The following UBL3 variants were observed in gnomAD, a reference collection of about 807,000 sequenced individuals.
UBL3 encodes ubiquitin like 3, also known as ubiquitin-like protein 3.
Under a neutral mutation model 18.4 loss-of-function variants are expected in UBL3, and 6 were observed. That is an observed-to-expected ratio of 0.33 (90% CI 0.18 to 0.64). The LOEUF (loss-of-function observed/expected upper bound fraction) is 0.64, where lower values mean the gene tolerates loss of function less well. UBL3 is among the 30% of genes least tolerant of loss of function. The pLI, the probability that UBL3 is intolerant of heterozygous loss-of-function variation, is 0.76. For synonymous variants in UBL3, 49 were observed against 46.6 expected, an observed-to-expected ratio of 1.05 and a Z score of -0.21; for missense variants, 109 against 142.9, an observed-to-expected ratio of 0.76 and a Z score of 1.21.
intron 1 of UBL3, among the ~76,000 whole-genome samples, chr13:29,833,320 G>T (rs1407817474): frequency 2.0e-5 from 3 of 152,180 alleles, no homozygotes; most frequent in African/African-American, 7.2e-5. Context: ...AGAGGAAATT[G>T]ATTTGAAACA....
chr13:29,767,410 A>G, intron 4 of UBL3, 103 bp from the exon 5 acceptor site: 1 of 1,418,560 alleles, frequency 7.0e-7, no homozygotes. Context: ...GAGTTTTTAA[A>G]AATGTTTGCA....
At chr13:29,816,756 A>G in intron 1 of UBL3, among the ~76,000 whole-genome samples, 1 of 113,750 alleles carries the variant, frequency 8.8e-6, no homozygotes, top group South Asian at 2.6e-4. Context: ...CCCTGTCTCA[A>G]AAAAAAAAAA....
At chr13:29,801,494 G>A (rs1053730602) in intron 1 of UBL3, among the ~76,000 whole-genome samples, 2 of 152,070 alleles carry the variant, frequency 1.3e-5, no homozygotes, top group African/African-American at 2.4e-5. Context: ...CTCAACCCCC[G>A]CATTTTTCAG....
chr13:29,784,481 T>C (rs1316273175), intron 1 of UBL3, among the ~76,000 whole-genome samples: 1 of 152,084 alleles, frequency 6.6e-6, no homozygotes. Flanking sequence ...GCCTTTCTAC[T>C]GCTCATTCCT....
At chr13:29,799,451 GACTA>G (rs1877703909) in intron 1 of UBL3, among the ~76,000 whole-genome samples, 2 of 152,138 alleles carry the variant, frequency 1.3e-5, no homozygotes. Context: ...TTGAAAATAA[GACTA>G]ACTGAAGATG....
rs143444292 is a variant in UBL3 at position 29,832,706 on chromosome 13, A to C, written c.27+16806T>G. Among the ~76,000 whole-genome samples the C allele has an allele frequency of 2.2e-4, 34 of 152,280 alleles. No homozygotes were observed. In the East Asian group the frequency reaches 5.8e-3, roughly 26 times the overall value. ...ACTGTTCCTCTGGAGTCTACGCTTT[A>C]CATTGCTGGCAATCCGTGATGGAAG... On this transcript the variant is annotated intron_variant, in intron 1 of 4. Transcript: ENST00000380680.
At chr13:29,835,018 T>C (rs920731061) in intron 1 of UBL3, among the ~76,000 whole-genome samples, 1 of 146,606 alleles carries the variant, frequency 6.8e-6, no homozygotes, top group East Asian at 2.0e-4. Context: ...CAAACATTTA[T>C]GAAAAATCTA....
At position 29,825,666 on chromosome 13, in the gene UBL3, C is replaced by A. The variant is rs1247929953; in HGVS notation, c.27+23846G>T. Reference sequence around the variant, plus strand: ...TCTGCAAACAGGGACAATTTAACTTCTTTTCCTAATTGAATACCCTTTCTT... The same window carrying A: ...TCTGCAAACAGGGACAATTTAACTTATTTTCCTAATTGAATACCCTTTCTT... On this transcript the variant is annotated intron_variant, in intron 1 of 4. Coordinates refer to ENST00000380680, the MANE Select transcript of UBL3 (RefSeq NM_007106.4). Among the ~76,000 whole-genome samples, 5 of 152,180 alleles carry A rather than the reference C, an allele frequency of 3.3e-5. No individual in the cohort carries two copies. In the East Asian group the frequency reaches 5.8e-4, roughly 18 times the overall value.
intron 1 of UBL3, among the ~76,000 whole-genome samples, chr13:29,802,845 A>G (rs1373794621): frequency 6.6e-6 from 1 of 152,226 alleles, no homozygotes; most frequent in Non-Finnish European, 1.5e-5. Context: ...GGCATTCCTG[A>G]AAGGGGAAGA....
intron 1 of UBL3, among the ~76,000 whole-genome samples, chr13:29,785,516 T>C (rs969526279): frequency 6.6e-6 from 1 of 152,192 alleles, no homozygotes; most frequent in South Asian, 2.1e-4. Context: ...AATATGTAAA[T>C]TTTAAAATAA....
chr13:29,775,548 A>G (rs1389448538), intron 2 of UBL3, among the ~76,000 whole-genome samples: 1 of 152,246 alleles, frequency 6.6e-6, no homozygotes, highest in Non-Finnish European at 1.5e-5. Flanking sequence ...ACTATGATAC[A>G]TGACATAAGG....
intron 1 of UBL3, among the ~76,000 whole-genome samples, chr13:29,818,255 T>A (rs1878334304): frequency 6.6e-6 from 1 of 152,132 alleles, no homozygotes; most frequent in Non-Finnish European, 1.5e-5. Context: ...AAATCTAAAT[T>A]TAGACTAACT....
chr13:29,843,211 GTA>G (rs900364365), intron 1 of UBL3, among the ~76,000 whole-genome samples: 1 of 152,042 alleles, frequency 6.6e-6, no homozygotes, highest in African/African-American at 2.4e-5. Context: ...CATACCTATA[GTA>G]TATGTGTTTT....
intron 3 of UBL3, among the ~76,000 whole-genome samples, chr13:29,769,491 G>A (rs777012420): frequency 2.0e-5 from 3 of 151,966 alleles, no homozygotes; most frequent in Middle Eastern, 3.2e-3. Context: ...AACCTTTAGC[G>A]TACATAAAAA....
chr13:29,827,646 G>A (rs1213422614), intron 1 of UBL3, among the ~76,000 whole-genome samples: 1 of 152,194 alleles, frequency 6.6e-6, no homozygotes, highest in Non-Finnish European at 1.5e-5. Context: ...TTGCCAGTCT[G>A]TGTCTTTTAA....
Position 29,766,502 on chromosome 13 carries a change from A to G in UBL3, c.*753T>C, listed in dbSNP as rs1348177247. On this transcript the variant is annotated 3_prime_UTR_variant, in exon 5 of 5. Coordinates refer to ENST00000380680, the MANE Select transcript of UBL3 (RefSeq NM_007106.4). ...GAAACTACCCTCCCACATTAAGGCT[A>G]GGAGACGCACTCTCACCCCTTCTTG... 1 of 152,612 alleles carries G rather than the reference A, an allele frequency of 6.6e-6. No individual in the cohort carries two copies. Among genetic ancestry groups the G allele is most frequent in the Admixed American group, 6.6e-5 (1 of 15,262 alleles). 9.5% of individuals were successfully genotyped at this position (152,612 alleles called of 1,614,324 possible). A position where few individuals can be genotyped will look rare whatever the true frequency, so the allele number is the denominator to read the frequency against.
intron 1 of UBL3, among the ~76,000 whole-genome samples, chr13:29,819,943 G>C (rs1036411654): frequency 6.6e-5 from 10 of 152,196 alleles, no homozygotes; most frequent in Admixed American, 2.6e-4. Context: ...AAGATAAAAT[G>C]TCAACCATTT....
intron 1 of UBL3, among the ~76,000 whole-genome samples, chr13:29,789,873 A>G (rs1285014775): frequency 8.5e-5 from 13 of 152,228 alleles, no homozygotes; most frequent in Admixed American, 8.5e-4. Context: ...TCCCCCTTTT[A>G]TAGCATAACT....
intron 1 of UBL3, among the ~76,000 whole-genome samples, chr13:29,841,838 A>G (rs1879108644): frequency 6.6e-6 from 1 of 152,346 alleles, no homozygotes; most frequent in East Asian, 1.9e-4. Flanking sequence ...AGTAAAAATG[A>G]GCTCGGTTGA....
Sources: gnomAD v4.1 joint callset for allele counts (sites outside exome capture counted in the v4.1 genomes callset) on GRCh38, gnomAD v4.1.1 for gene constraint, MANE v1.5 for transcripts, NCBI Gene and HGNC (gene_info 2026-07-23, HGNC 2026-07-21) for gene names.